Variants in PCED1B observed in about 807,000 individuals in gnomAD.
PCED1B encodes the protein PC-esterase domain containing 1B, also known as PC-esterase domain-containing protein 1B.
For missense variants in PCED1B, 573 were observed against 573.9 expected (o/e 1.00, Z 0.02); for synonymous variants, 251 against 246.1 (o/e 1.02, Z -0.19).
intron 1 of PCED1B, among the ~76,000 whole-genome samples, chr12:47,095,320 G>A (rs1206736389): frequency 6.6e-6 from 1 of 151,894 alleles, no homozygotes; most frequent in East Asian, 1.9e-4. Flanking sequence ...GAATCTTATT[G>A]TTGCTTCTTT....
chr12:47,115,818 T>G (rs188236456), intron 2 of PCED1B, among the ~76,000 whole-genome samples: 10 of 152,344 alleles, frequency 6.6e-5, no homozygotes, highest in Admixed American at 2.6e-4. Context: ...TGTAAATTAT[T>G]TAATATGCAC....
intron 2 of PCED1B, among the ~76,000 whole-genome samples, chr12:47,124,602 G>A (rs1939813894): frequency 6.6e-6 from 1 of 151,414 alleles, no homozygotes; most frequent in African/African-American, 2.4e-5. Flanking sequence ...TGGAATGGCT[G>A]GGTCATGTGA....
intron 1 of PCED1B, among the ~76,000 whole-genome samples, chr12:47,083,103 G>A (rs939049187): frequency 1.3e-5 from 2 of 151,014 alleles, no homozygotes; most frequent in East Asian, 1.9e-4. Flanking sequence ...AGGAGTTCTA[G>A]CCCTGTAATT....
intron 2 of PCED1B, chr12:47,135,585 G>T: frequency 4.0e-6 from 2 of 503,598 alleles, no homozygotes; most frequent in East Asian, 5.4e-5. Flanking sequence ...ACTTGGCAGT[G>T]GAGACACAGG....
intron 2 of PCED1B, chr12:47,208,443 T>C (rs73110240): frequency 0.22 from 33,658 of 152,054 alleles, 4,500 homozygotes; most frequent in Non-Finnish European, 0.3. Flanking sequence ...ACTCTGTCAC[T>C]CAGGCTCTAG....
intron 1 of PCED1B, among the ~76,000 whole-genome samples, chr12:47,081,857 A>G (rs1937741704): frequency 6.6e-6 from 1 of 152,230 alleles, no homozygotes; most frequent in African/African-American, 2.4e-5. Flanking sequence ...TAAGTGATTC[A>G]AAAAAATGGA....
chr12:47,163,086 T>A (rs1194306088), intron 2 of PCED1B, among the ~76,000 whole-genome samples: 2 of 152,352 alleles, frequency 1.3e-5, no homozygotes, highest in African/African-American at 4.8e-5. Flanking sequence ...TATTTATTGA[T>A]GTCTTCTTTA....
rs549002034 is a variant in PCED1B, at chr12:47,204,274, T to C, written c.-525-11948T>C. 2.1e-5 allele frequency among the ~76,000 whole-genome samples: 3 copies of C among 143,902 alleles called. No individual in the cohort carries two copies. In the South Asian group the frequency reaches 6.4e-4, roughly 30 times the overall value. The allele number at this position is 143,902 out of a possible 152,430, so 94.4% of individuals were successfully genotyped here. The stretch of plus-strand genomic sequence containing the variant: ...CCCATATGAATTTAAAATTTTTTTT[T>C]TCTAATTATGTGAAGAATGTCAATG... On this transcript the variant is annotated intron_variant, in intron 2 of 3. Transcript: ENST00000546455.
intron 2 of PCED1B, among the ~76,000 whole-genome samples, chr12:47,189,999 C>T (rs950119642): frequency 6.6e-6 from 1 of 152,174 alleles, no homozygotes; most frequent in East Asian, 1.9e-4. Context: ...ACAGACCCTC[C>T]TCTATGCACT....
intron 2 of PCED1B, among the ~76,000 whole-genome samples, chr12:47,186,880 A>G (rs998929814): frequency 6.6e-6 from 1 of 152,188 alleles, no homozygotes; most frequent in African/African-American, 2.4e-5. Context: ...TTCTTTTTAT[A>G]TCCTATTGGC....
At chr12:47,231,404 G>C (rs980601352) in intron 3 of PCED1B, among the ~76,000 whole-genome samples, 3 of 386 alleles carry the variant, frequency 7.8e-3, no homozygotes, top group African/African-American at 0.041. Context: ...AATTGGAGAG[G>C]GTGCTAAAGC....
intron 2 of PCED1B, among the ~76,000 whole-genome samples, chr12:47,183,795 C>T (rs1942169128): frequency 6.6e-6 from 1 of 152,188 alleles, no homozygotes; most frequent in Admixed American, 6.5e-5. Flanking sequence ...TTCCTGCACT[C>T]GTAAACTTTT....
chr12:47,184,141 G>A (rs766674432), intron 2 of PCED1B, among the ~76,000 whole-genome samples: 90 of 152,268 alleles, frequency 5.9e-4, no homozygotes, highest in Non-Finnish European at 9.8e-4. Flanking sequence ...CCCTCCCAAA[G>A]TGCTGGGATT....
intron 2 of PCED1B, among the ~76,000 whole-genome samples, chr12:47,167,546 A>G (rs554826326): frequency 2.0e-5 from 3 of 152,270 alleles, no homozygotes; most frequent in Admixed American, 1.3e-4. Context: ...CTGCACATGG[A>G]CAAGGACACA....
At chr12:47,195,139 A>C (rs1942562869) in intron 2 of PCED1B, among the ~76,000 whole-genome samples, 1 of 151,708 alleles carries the variant, frequency 6.6e-6, no homozygotes, top group South Asian at 2.1e-4. Flanking sequence ...GACCAGCCTG[A>C]CCAACAAGGC....
At chr12:47,233,352 A>G (rs1943870342) in intron 3 of PCED1B, among the ~76,000 whole-genome samples, 1 of 152,030 alleles carries the variant, frequency 6.6e-6, no homozygotes, top group Non-Finnish European at 1.5e-5. Context: ...CGTGGTAGCC[A>G]GAAAGGTCTC....
intron 3 of PCED1B, among the ~76,000 whole-genome samples, chr12:47,222,422 CAAAAAAAAAAA>C (rs750444043): frequency 1.2e-5 from 1 of 81,638 alleles, no homozygotes; most frequent in African/African-American, 4.6e-5. Flanking sequence ...AACTCCATCT[CAAAAAAAAAAA>C]AAAAAAAAAA....
chr12:47,087,352 A>G (rs536420404), intron 1 of PCED1B, among the ~76,000 whole-genome samples: 15 of 152,308 alleles, frequency 9.8e-5, no homozygotes, highest in Admixed American at 3.3e-4. Flanking sequence ...GTTGGTTTAT[A>G]TAACCTGCCC....
At chr12:47,232,518 C>T (rs1469047357) in intron 3 of PCED1B, among the ~76,000 whole-genome samples, 1 of 152,214 alleles carries the variant, frequency 6.6e-6, no homozygotes, top group East Asian at 1.9e-4. Context: ...GTTCCTACAT[C>T]TATTAAAATG....
Sources: allele counts gnomAD v4.1 joint callset (sites outside exome capture counted in the v4.1 genomes callset), GRCh38; gene constraint gnomAD v4.1.1; transcripts MANE v1.5; gene names NCBI Gene and HGNC (gene_info 2026-07-23, HGNC 2026-07-21).